The following EXOC6B variants were observed in gnomAD, a reference collection of about 807,000 sequenced individuals.
The protein encoded by EXOC6B is exocyst complex component 6B.
Under a neutral mutation model 113.5 loss-of-function variants are expected in EXOC6B, and 54 were observed. That is an observed-to-expected ratio of 0.48 (90% confidence interval 0.38 to 0.60). The LOEUF (loss-of-function observed/expected upper bound fraction) is 0.60, where lower values mean the gene tolerates loss of function less well. Among genes scored for constraint, EXOC6B ranks in the 20% least tolerant of loss-of-function variants. The pLI is 0.00. For synonymous variants in EXOC6B, 357 were observed against 339.0 expected, an observed-to-expected ratio of 1.05 and a Z score of -0.58; for missense variants, 797 against 977.5, an observed-to-expected ratio of 0.82 and a Z score of 2.46.
chr2:72,185,241 A>G (rs1384331354), intron 20 of EXOC6B, among the ~76,000 whole-genome samples: 1 of 152,230 alleles, frequency 6.6e-6, no homozygotes, highest in African/African-American at 2.4e-5. Context: ...GCTGATGAGG[A>G]CAAGTAGATG....
chr2:72,466,409 T>C (rs1489263942), intron 17 of EXOC6B, among the ~76,000 whole-genome samples: 4 of 151,488 alleles, frequency 2.6e-5, no homozygotes, highest in African/African-American at 7.3e-5. Context: ...ACTCATCATA[T>C]TTACCACTCT....
chr2:72,774,911 A>T (rs1419791407), intron 1 of EXOC6B, among the ~76,000 whole-genome samples: 5 of 152,040 alleles, frequency 3.3e-5, no homozygotes, highest in Non-Finnish European at 5.9e-5. Context: ...TCCCCTCCCT[A>T]CCAGGTTCAA....
intron 1 of EXOC6B, among the ~76,000 whole-genome samples, chr2:72,810,108 A>G (rs1363532644): frequency 6.6e-6 from 1 of 152,188 alleles, no homozygotes; most frequent in Non-Finnish European, 1.5e-5. Context: ...AAATGTCCAA[A>G]CACTTGGAAA....
At chr2:72,732,122 T>C (rs1034889431) in intron 3 of EXOC6B, among the ~76,000 whole-genome samples, 3 of 152,174 alleles carry the variant, frequency 2.0e-5, no homozygotes, top group African/African-American at 7.2e-5. Context: ...ATGGTAAATA[T>C]GTCAATCAAT....
At chr2:72,552,006 C>A (rs71416753) in intron 8 of EXOC6B, among the ~76,000 whole-genome samples, 316 of 152,116 alleles carry the variant, frequency 2.1e-3, no homozygotes, top group Middle Eastern at 0.014. Context: ...AACAAGGAAA[C>A]AAATAATAAG....
chr2:72,379,953 C>A (rs1056121377), intron 18 of EXOC6B, 83 bp from the exon 19 acceptor site: 2 of 1,331,580 alleles, frequency 1.5e-6, no homozygotes, highest in Non-Finnish European at 1.0e-6. Flanking sequence ...AAAATTACTT[C>A]TTTTTCAATT....
At chr2:72,444,655 C>A (rs1004623425) in intron 18 of EXOC6B, among the ~76,000 whole-genome samples, 5 of 152,338 alleles carry the variant, frequency 3.3e-5, no homozygotes, top group African/African-American at 1.2e-4. Flanking sequence ...GCCTAAACAC[C>A]ACATAGAAAC....
chr2:72,311,434 A>G (rs547669364), intron 20 of EXOC6B, among the ~76,000 whole-genome samples: 1 of 152,048 alleles, frequency 6.6e-6, no homozygotes, highest in South Asian at 2.1e-4. Context: ...TCCTTCCTCC[A>G]TCTTCAAAAC....
chr2:72,391,171 C>A (rs539754588), intron 18 of EXOC6B, among the ~76,000 whole-genome samples: 15 of 152,138 alleles, frequency 9.9e-5, no homozygotes, highest in Admixed American at 3.3e-4. Flanking sequence ...GCACTCCCTG[C>A]TGTATGGTAT....
intron 6 of EXOC6B, among the ~76,000 whole-genome samples, chr2:72,641,577 G>C (rs575257926): frequency 4.6e-5 from 7 of 152,366 alleles, no homozygotes; most frequent in African/African-American, 1.7e-4. Context: ...AAACTGGGCA[G>C]AGCCCACTGC....
At chr2:72,723,065 C>T (rs1267349921) in intron 5 of EXOC6B, among the ~76,000 whole-genome samples, 2 of 152,004 alleles carry the variant, frequency 1.3e-5, no homozygotes, top group Middle Eastern at 3.2e-3. Flanking sequence ...TTTCAATATC[C>T]GTGACAGGTT....
chr2:72,394,685 T>C (rs1692610088), intron 18 of EXOC6B, among the ~76,000 whole-genome samples: 1 of 152,186 alleles, frequency 6.6e-6, no homozygotes, highest in African/African-American at 2.4e-5. Flanking sequence ...AATTATTCAG[T>C]CTTTGCTATG....
chr2:72,467,676 G>A (rs112921606), intron 17 of EXOC6B, among the ~76,000 whole-genome samples: 25 of 152,182 alleles, frequency 1.6e-4, no homozygotes, highest in Non-Finnish European at 2.6e-4. Flanking sequence ...TCATCGGGTT[G>A]TTTTCTTGCT....
chr2:72,754,258 C>T (rs1015523263), intron 1 of EXOC6B, among the ~76,000 whole-genome samples: 6 of 152,086 alleles, frequency 3.9e-5, no homozygotes, highest in Non-Finnish European at 7.4e-5. Flanking sequence ...AAAGCAGCCA[C>T]GAAGAGCTTA....
intron 6 of EXOC6B, among the ~76,000 whole-genome samples, chr2:72,717,554 G>T (rs1333702893): frequency 6.6e-6 from 1 of 152,064 alleles, no homozygotes; most frequent in Non-Finnish European, 1.5e-5. Flanking sequence ...GGTGACTTAG[G>T]AATGAAGATT....
rs1023623886 is a variant in EXOC6B at position 72,825,258 on chromosome 2, G to A, written c.113+540C>T. On this transcript the variant is annotated intron_variant, in intron 1 of 21. Coordinates refer to ENST00000272427, the MANE Select transcript of EXOC6B (RefSeq NM_015189.3). The surrounding 1 kb of genome is among the most constrained non-coding windows in gnomAD (Gnocchi z 4.4). The stretch of plus-strand genomic sequence containing the variant: ...TCGTAACAGGGAGGCAGGGATAAAG[G>A]AGCAGCGGCTCCCAGGAGAGGGGCG... 3.9e-5 allele frequency among the ~76,000 whole-genome samples: 6 copies of A among 152,174 alleles called. No individual in the cohort carries two copies. In the East Asian group the frequency reaches 1.2e-3, roughly 29 times the overall value.
intron 6 of EXOC6B, among the ~76,000 whole-genome samples, chr2:72,680,906 G>C (rs1408322326): frequency 6.6e-6 from 1 of 152,154 alleles, no homozygotes; most frequent in African/African-American, 2.4e-5. Context: ...AATGGGAAAA[G>C]TTATGGTTCT....
intron 6 of EXOC6B, among the ~76,000 whole-genome samples, chr2:72,700,237 A>ACACAC (rs1678213622): frequency 7.0e-6 from 1 of 142,318 alleles, no homozygotes; most frequent in Non-Finnish European, 1.5e-5. Flanking sequence ...AGACCACAGA[A>ACACAC]ACACACACAC....
chr2:72,522,608 T>C (rs886240197), intron 8 of EXOC6B, among the ~76,000 whole-genome samples: 1 of 152,162 alleles, frequency 6.6e-6, no homozygotes, highest in African/African-American at 2.4e-5. Context: ...TTCGATATAT[T>C]TTCTCAGATC....
Sources: allele counts gnomAD v4.1 joint callset (sites outside exome capture counted in the v4.1 genomes callset), GRCh38; gene constraint gnomAD v4.1.1; non-coding constraint Gnocchi (gnomAD v3.1); transcripts MANE v1.5; gene names NCBI Gene and HGNC (gene_info 2026-07-23, HGNC 2026-07-21).